The following PRKG1 variants were observed in gnomAD, a reference collection of about 807,000 sequenced individuals.
The protein encoded by PRKG1 is cGMP-dependent protein kinase 1.
PRKG1 carries 35 observed loss-of-function variants against 88.1 expected under a neutral mutation model. The observed-to-expected ratio is 0.40, with a 90% CI of 0.30 to 0.53. The LOEUF (loss-of-function observed/expected upper bound fraction) is 0.53, where lower values mean the gene tolerates loss of function less well. Ranked by LOEUF, PRKG1 falls within the 20% of genes least tolerant of loss-of-function variation. The probability of loss-of-function intolerance (pLI) is 0.59; values close to 1 mark genes in which losing one functional copy is unlikely to be tolerated. For synonymous variants in PRKG1, 303 were observed against 292.5 expected (o/e 1.04, Z -0.37); for missense variants, 540 against 839.8 (o/e 0.64, Z 4.41).
intron 1 of PRKG1, among the ~76,000 whole-genome samples, chr10:51,002,380 G>A (rs1039449944): frequency 1.3e-5 from 2 of 152,160 alleles, no homozygotes; most frequent in South Asian, 2.1e-4. Context: ...GTGGCCTATT[G>A]TAATCTGAGA....
chr10:51,907,526 C>G lies in PRKG1; in HGVS notation c.718C>G (p.Leu240Val). 6.2e-7 allele frequency: 1 copy of G among 1,613,682 alleles called. No homozygotes were observed. Among genetic ancestry groups the G allele is most frequent in the South Asian group, 1.1e-5 (1 of 90,982 alleles). Residue 240 changes from leucine to valine, a missense_variant, in exon 5 of 18, where the codon CTT becomes GTT. This residue lies in a region of PRKG1 where 400 missense variants were observed against 562.7 expected (regional missense o/e 0.71). Coordinates refer to ENST00000373980, the MANE Select transcript of PRKG1 (RefSeq NM_006258.4). ...FLKSVPTFQSLPEEILSKLAD... is the reference protein window; with the variant it reads ...FLKSVPTFQSVPEEILSKLAD... ...TTTCAGCGTTCCAACATTCCAGAGCCTTCCTGAAGAGATCCTCAGCAAGCT... is the reference window on the plus strand; with the variant it reads ...TTTCAGCGTTCCAACATTCCAGAGCGTTCCTGAAGAGATCCTCAGCAAGCT...
At chr10:51,126,699 C>T (rs1248647988) in intron 1 of PRKG1, among the ~76,000 whole-genome samples, 1 of 151,972 alleles carries the variant, frequency 6.6e-6, no homozygotes, top group East Asian at 1.9e-4. Flanking sequence ...AGGCATCAGG[C>T]TACCTGACTT....
intron 5 of PRKG1, among the ~76,000 whole-genome samples, chr10:52,048,606 T>A (rs1331012852): frequency 2.0e-5 from 3 of 152,162 alleles, no homozygotes; most frequent in Non-Finnish European, 1.5e-5. Flanking sequence ...TTAAAATAGC[T>A]AAATGTACAT....
intron 5 of PRKG1, among the ~76,000 whole-genome samples, chr10:51,957,707 C>G (rs73339231): frequency 0.023 from 3,491 of 152,192 alleles, 142 homozygotes; most frequent in African/African-American, 0.08. Context: ...TCTCAGTATA[C>G]CTTATAATTT....
At chr10:51,596,118 C>G (rs555218709) in intron 3 of PRKG1, among the ~76,000 whole-genome samples, 2 of 152,160 alleles carry the variant, frequency 1.3e-5, no homozygotes, top group African/African-American at 4.8e-5. Flanking sequence ...CGTGAGTCAC[C>G]TCGCCTGGCC....
chr10:51,693,742 C>T (rs1841209621), intron 3 of PRKG1, among the ~76,000 whole-genome samples: 1 of 152,050 alleles, frequency 6.6e-6, no homozygotes, highest in Admixed American at 6.5e-5. Flanking sequence ...CCTCAAATGA[C>T]ATGTTATATA....
At chr10:52,040,832 CTTTTTT>C (rs11312625) in intron 5 of PRKG1, among the ~76,000 whole-genome samples, 5 of 85,260 alleles carry the variant, frequency 5.9e-5, no homozygotes, top group East Asian at 3.5e-4. Context: ...AATGGCTTTT[CTTTTTT>C]TTTTTTTTTT....
chr10:51,747,224 A>T (rs1459520072), intron 3 of PRKG1, among the ~76,000 whole-genome samples: 1 of 152,238 alleles, frequency 6.6e-6, no homozygotes, highest in Non-Finnish European at 1.5e-5. Context: ...CACAGTTATT[A>T]TCAACTCAGA....
At chr10:51,853,374 T>C (rs1470525430) in intron 4 of PRKG1, among the ~76,000 whole-genome samples, 1 of 152,142 alleles carries the variant, frequency 6.6e-6, no homozygotes, top group Non-Finnish European at 1.5e-5. Flanking sequence ...AATCAGTGTT[T>C]GGCATCTGCT....
chr10:51,783,810 A>G (rs1013835589), intron 3 of PRKG1, among the ~76,000 whole-genome samples: 112 of 152,142 alleles, frequency 7.4e-4, no homozygotes, highest in African/African-American at 2.6e-3. Flanking sequence ...ATTATACTTC[A>G]CCATAGAGCC....
intron 5 of PRKG1, among the ~76,000 whole-genome samples, chr10:51,980,943 A>G (rs1031366192): frequency 1.3e-5 from 2 of 152,152 alleles, no homozygotes; most frequent in African/African-American, 2.4e-5. Context: ...CCAGCCTGCC[A>G]TGTTATACCT....
chr10:51,802,823 G>A (rs528096154), intron 3 of PRKG1, among the ~76,000 whole-genome samples: 4 of 152,218 alleles, frequency 2.6e-5, no homozygotes, highest in African/African-American at 4.8e-5. Context: ...CTTGAGGTGC[G>A]AACTCAGACT....
At chr10:52,221,680 G>T (rs1840249651) in intron 9 of PRKG1, among the ~76,000 whole-genome samples, 1 of 152,130 alleles carries the variant, frequency 6.6e-6, no homozygotes, top group Non-Finnish European at 1.5e-5. Context: ...TATAACATCA[G>T]ATATTTTTTA....
At chr10:51,973,951 A>C (rs1030857422) in intron 5 of PRKG1, among the ~76,000 whole-genome samples, 6 of 152,190 alleles carry the variant, frequency 3.9e-5, no homozygotes, top group African/African-American at 1.4e-4. Context: ...ATAACACATG[A>C]AAATTATATG....
intron 3 of PRKG1, among the ~76,000 whole-genome samples, chr10:51,529,604 A>G (rs920875638): frequency 6.6e-6 from 1 of 151,844 alleles, no homozygotes; most frequent in South Asian, 2.1e-4. Context: ...CACTCATTCC[A>G]CTTAGCACTC....
intron 7 of PRKG1, among the ~76,000 whole-genome samples, chr10:52,129,188 G>C (rs1375864569): frequency 6.6e-6 from 1 of 152,178 alleles, no homozygotes; most frequent in Non-Finnish European, 1.5e-5. Flanking sequence ...TAACTTGGTA[G>C]ATGTTCTGTG....
intron 3 of PRKG1, among the ~76,000 whole-genome samples, chr10:51,558,536 T>G (rs908616014): frequency 6.6e-6 from 1 of 152,116 alleles, no homozygotes; most frequent in Non-Finnish European, 1.5e-5. Flanking sequence ...TACCTGTGAA[T>G]ATGCATGGGA....
intron 1 of PRKG1, among the ~76,000 whole-genome samples, chr10:51,062,222 T>A (rs1332131904): frequency 2.0e-5 from 3 of 152,208 alleles, no homozygotes; most frequent in African/African-American, 7.2e-5. Flanking sequence ...GTTTAGCCTC[T>A]CTGGAATTCA....
chr10:52,044,174 G>A (rs965666163), intron 5 of PRKG1, among the ~76,000 whole-genome samples: 1 of 152,152 alleles, frequency 6.6e-6, no homozygotes, highest in African/African-American at 2.4e-5. Flanking sequence ...AAAAGCCTAT[G>A]TAGTCATCTT....
Sources: gnomAD v4.1 joint callset for allele counts (sites outside exome capture counted in the v4.1 genomes callset) on GRCh38, gnomAD v4.1.1 for gene constraint, gnomAD v4.1.1 regional missense constraint, MANE v1.5 for transcripts, NCBI Gene and HGNC (gene_info 2026-07-23, HGNC 2026-07-21) for gene names.